The following CFAP61 variants were observed in gnomAD, a reference collection of about 807,000 sequenced individuals.
The protein encoded by CFAP61 is cilia- and flagella-associated protein 61.
CFAP61 carries 107 observed loss-of-function variants against 135.6 expected under a neutral mutation model. That is an observed-to-expected ratio of 0.79 (90% CI 0.67 to 0.93). CFAP61 has a LOEUF of 0.93. Among genes scored for constraint, CFAP61 ranks in the 40% least tolerant of loss-of-function variants. The pLI, the probability that CFAP61 is intolerant of heterozygous loss-of-function variation, is 0.00. For synonymous variants in CFAP61, 575 were observed against 578.5 expected (o/e 0.99, Z 0.09); for missense variants, 1,507 against 1,556.2 (o/e 0.97, Z 0.53).
chr20:20,244,411 G>C (rs966526860), intron 18 of CFAP61, among the ~76,000 whole-genome samples: 6 of 152,190 alleles, frequency 3.9e-5, no homozygotes, highest in Non-Finnish European at 8.8e-5. Context: ...TGACTTCTGT[G>C]TACTCACAGG....
chr20:20,161,419 G>A (rs2053396715), intron 10 of CFAP61, among the ~76,000 whole-genome samples: 1 of 152,176 alleles, frequency 6.6e-6, no homozygotes. Flanking sequence ...AATCCACAAA[G>A]GTGAGATGGA....
At chr20:20,282,903 C>T (rs1329736434) in intron 22 of CFAP61, among the ~76,000 whole-genome samples, 7 of 149,320 alleles carry the variant, frequency 4.7e-5, no homozygotes, top group African/African-American at 7.4e-5. Flanking sequence ...GGCGCCATTG[C>T]ACTCTAGCCT....
chr20:20,183,165 T>C (rs201489682), intron 13 of CFAP61, among the ~76,000 whole-genome samples: 90,280 of 151,074 alleles, frequency 0.6, 28,066 homozygotes, highest in Middle Eastern at 0.74. Context: ...TTTCTTTTTT[T>C]TTTTTTTTAG....
At chr20:20,163,891 C>G (rs1195759036) in intron 10 of CFAP61, among the ~76,000 whole-genome samples, 159 bp from the exon 11 acceptor site, 1 of 152,028 alleles carries the variant, frequency 6.6e-6, no homozygotes, top group African/African-American at 2.4e-5. Context: ...CATTAAGAAC[C>G]TCTCCTTAAA....
intron 25 of CFAP61, among the ~76,000 whole-genome samples, chr20:20,310,559 G>A (rs1332286126): frequency 6.6e-6 from 1 of 152,150 alleles, no homozygotes; most frequent in Non-Finnish European, 1.5e-5. Context: ...TAAACAGAAA[G>A]CAATATACTG....
chr20:20,323,610 C>T (rs1352635147), intron 25 of CFAP61, among the ~76,000 whole-genome samples: 1 of 152,178 alleles, frequency 6.6e-6, no homozygotes, highest in African/African-American at 2.4e-5. Flanking sequence ...CCAAGGGCTG[C>T]ACCTAGAGGC....
chr20:20,262,900 A>C, intron 20 of CFAP61, 56 bp from the exon 21 acceptor site: 2 of 1,149,360 alleles, frequency 1.7e-6, no homozygotes, highest in Non-Finnish European at 2.4e-6. Flanking sequence ...TTTTTTAACC[A>C]CTGTCACCAC....
chr20:20,069,730 T>C, intron 2 of CFAP61: 1 of 456,338 alleles, frequency 2.2e-6, no homozygotes, highest in South Asian at 1.6e-5. Flanking sequence ...ATTTATTTTT[T>C]CTCTTCTTGC....
intron 7 of CFAP61, among the ~76,000 whole-genome samples, chr20:20,092,609 T>G (rs1027846323): frequency 6.6e-6 from 1 of 151,856 alleles, no homozygotes; most frequent in Non-Finnish European, 1.5e-5. Context: ...GGATCCAGAA[T>G]ATATACAAAG....
At chr20:20,332,194 C>A (rs1347590786) in intron 25 of CFAP61, among the ~76,000 whole-genome samples, 1 of 152,208 alleles carries the variant, frequency 6.6e-6, no homozygotes, top group Non-Finnish European at 1.5e-5. Context: ...TAAGGCACTG[C>A]CAAACCCAGC....
chr20:20,113,986 A>AT (rs35099002), intron 8 of CFAP61, among the ~76,000 whole-genome samples: 1 of 148,830 alleles, frequency 6.7e-6, no homozygotes, highest in Non-Finnish European at 1.5e-5. Context: ...AAAAAAAAAA[A>AT]GCCTGGGTGC....
intron 9 of CFAP61, among the ~76,000 whole-genome samples, chr20:20,143,527 G>A (rs923389568): frequency 1.3e-5 from 2 of 152,124 alleles, no homozygotes; most frequent in Non-Finnish European, 2.9e-5. Flanking sequence ...GTGCAGTAAC[G>A]GAGACTGGAT....
intron 13 of CFAP61, among the ~76,000 whole-genome samples, chr20:20,183,390 G>C (rs2055262857): frequency 6.6e-6 from 1 of 152,086 alleles, no homozygotes; most frequent in South Asian, 2.1e-4. Flanking sequence ...TTGAACTCCT[G>C]GTCTCAAGTG....
chr20:20,291,209 T>C (rs2054976620), intron 24 of CFAP61, among the ~76,000 whole-genome samples: 1 of 152,198 alleles, frequency 6.6e-6, no homozygotes, highest in Non-Finnish European at 1.5e-5. Flanking sequence ...CATTCTTGGT[T>C]GTGTACATTC....
chr20:20,310,647 G>A (rs2056766806), intron 25 of CFAP61, among the ~76,000 whole-genome samples: 1 of 152,196 alleles, frequency 6.6e-6, no homozygotes, highest in Non-Finnish European at 1.5e-5. Context: ...GAAAAATTCA[G>A]AAAATGGCTC....
At chr20:20,089,074 G>T (rs1230224488) in intron 6 of CFAP61, among the ~76,000 whole-genome samples, 1 of 152,114 alleles carries the variant, frequency 6.6e-6, no homozygotes, top group Non-Finnish European at 1.5e-5. Context: ...ATAACCTCTG[G>T]CCCCTAGCCA....
At chr20:20,124,890 C>T (rs1302434232) in intron 8 of CFAP61, among the ~76,000 whole-genome samples, 1 of 151,658 alleles carries the variant, frequency 6.6e-6, no homozygotes, top group African/African-American at 2.4e-5. Context: ...ACCATTTCAA[C>T]CTCACTGCTT....
chr20:20,193,047 G>A (rs953165754), intron 15 of CFAP61, among the ~76,000 whole-genome samples: 5 of 152,160 alleles, frequency 3.3e-5, no homozygotes, highest in Non-Finnish European at 7.4e-5. Context: ...AGAAGAGCAT[G>A]AGGGATGTGG....
At chr20:20,082,701 G>T (rs1204276115) in intron 6 of CFAP61, among the ~76,000 whole-genome samples, 1 of 152,186 alleles carries the variant, frequency 6.6e-6, no homozygotes, top group African/African-American at 2.4e-5. Context: ...GATAACAATG[G>T]TTGATTAAAT....
Sources: gnomAD v4.1 joint callset for allele counts (sites outside exome capture counted in the v4.1 genomes callset) on GRCh38, gnomAD v4.1.1 for gene constraint, MANE v1.5 for transcripts, NCBI Gene and HGNC (gene_info 2026-07-23, HGNC 2026-07-21) for gene names.